The following TMEM132D variants were observed in gnomAD, a reference collection of about 807,000 sequenced individuals.
The protein encoded by TMEM132D is transmembrane protein 132D.
In TMEM132D, 21 loss-of-function variants were observed where a neutral mutation model predicts 62.3. That is an observed-to-expected ratio of 0.34 (90% confidence interval 0.24 to 0.49). The LOEUF is 0.49. Ranked by LOEUF, TMEM132D falls within the 20% of genes least tolerant of loss-of-function variation. The pLI is 0.99. For missense variants in TMEM132D, 1,346 were observed against 1,402.8 expected (o/e 0.96, Z 0.65); for synonymous variants, 621 against 575.6 (o/e 1.08, Z -1.13).
At chr12:129,301,204 A>C (rs2135627379) in intron 4 of TMEM132D, among the ~76,000 whole-genome samples, 1 of 152,116 alleles carries the variant, frequency 6.6e-6, no homozygotes, top group East Asian at 1.9e-4. Context: ...CATTGAAAAA[A>C]CTTCCTGGTT....
At chr12:129,534,389 A>G (rs1288294104) in intron 2 of TMEM132D, among the ~76,000 whole-genome samples, 3 of 151,424 alleles carry the variant, frequency 2.0e-5, no homozygotes, top group Non-Finnish European at 2.9e-5. Context: ...TTAAAACATA[A>G]TAGAACTGCA....
chr12:129,884,812 C>T (rs1165339686), intron 1 of TMEM132D, among the ~76,000 whole-genome samples: 1 of 152,166 alleles, frequency 6.6e-6, no homozygotes, highest in Non-Finnish European at 1.5e-5. Flanking sequence ...GTGTTTACAC[C>T]AAACCCTGCA....
intron 1 of TMEM132D, among the ~76,000 whole-genome samples, chr12:129,737,767 C>T (rs1869474037): frequency 1.3e-5 from 2 of 152,180 alleles, no homozygotes; most frequent in Admixed American, 1.3e-4. Context: ...AAATAAAATA[C>T]AAAGAGCAGT....
intron 4 of TMEM132D, among the ~76,000 whole-genome samples, chr12:129,221,740 C>A (rs1180892392): frequency 1.3e-5 from 2 of 152,142 alleles, no homozygotes; most frequent in African/African-American, 2.4e-5. Context: ...AGAATAACAA[C>A]CAATCACCCT....
At chr12:129,554,072 C>T (rs867916415) in intron 2 of TMEM132D, among the ~76,000 whole-genome samples, 1 of 152,120 alleles carries the variant, frequency 6.6e-6, no homozygotes, top group African/African-American at 2.4e-5. Context: ...AGGTATATGT[C>T]GGAATTCCTG....
intron 1 of TMEM132D, among the ~76,000 whole-genome samples, chr12:129,901,913 G>GT (rs1414477202): frequency 4.0e-5 from 6 of 151,290 alleles, no homozygotes; most frequent in Non-Finnish European, 5.9e-5. Context: ...GTGGATTTTG[G>GT]TTTTTTTAAC....
rs888165210 is a variant in TMEM132D at position 129,073,023 on chromosome 12, C to G, written c.*852G>C. On this transcript the variant is annotated 3_prime_UTR_variant, in exon 9 of 9. Coordinates refer to ENST00000422113, the MANE Select transcript of TMEM132D (RefSeq NM_133448.3). ...ACTACAAACTGCCCTCTCCCTCCCC[C>G]ACCCACAGGTGACCAACGGCTTTGG... 6.6e-6 allele frequency: 1 copy of G among 152,218 alleles called. No homozygotes were observed. Among genetic ancestry groups the G allele is most frequent in the African/African-American group, 2.4e-5 (1 of 41,448 alleles). The allele number at this position is 152,218 out of a possible 1,614,324, so 9.4% of individuals were successfully genotyped here.
intron 4 of TMEM132D, among the ~76,000 whole-genome samples, chr12:129,267,453 A>C (rs1207035129): frequency 6.6e-6 from 1 of 152,198 alleles, no homozygotes; most frequent in African/African-American, 2.4e-5. Flanking sequence ...AAGAGAATAA[A>C]ATACCTAGGA....
At chr12:129,104,638 ACT>A (rs1304436770) in intron 5 of TMEM132D, among the ~76,000 whole-genome samples, 1 of 151,736 alleles carries the variant, frequency 6.6e-6, no homozygotes, top group Non-Finnish European at 1.5e-5. Flanking sequence ...TTCACAACCT[ACT>A]CATCTGACAA....
chr12:129,197,394 CAG>C (rs2135559340), intron 5 of TMEM132D, among the ~76,000 whole-genome samples: 1 of 152,204 alleles, frequency 6.6e-6, no homozygotes, highest in Non-Finnish European at 1.5e-5. Context: ...GATGATGCAT[CAG>C]AACTCTCTGT....
chr12:129,622,642 G>A (rs1418221454), intron 2 of TMEM132D, among the ~76,000 whole-genome samples: 1 of 152,140 alleles, frequency 6.6e-6, no homozygotes, highest in Admixed American at 6.5e-5. Context: ...TATACAAGCC[G>A]GAGCTCTTTT....
At chr12:129,364,774 G>T (rs556122988) in intron 3 of TMEM132D, among the ~76,000 whole-genome samples, 2 of 152,146 alleles carry the variant, frequency 1.3e-5, no homozygotes, top group Non-Finnish European at 2.9e-5. Flanking sequence ...GACCACAATC[G>T]GAAAGGTCTC....
chr12:129,724,553 G>A (rs563210213), intron 1 of TMEM132D, among the ~76,000 whole-genome samples: 2 of 152,164 alleles, frequency 1.3e-5, no homozygotes, highest in South Asian at 2.1e-4. Flanking sequence ...ATGGAGTCTC[G>A]CTCTTGTCGC....
At chr12:129,796,745 G>T (rs1423339305) in intron 1 of TMEM132D, among the ~76,000 whole-genome samples, 7 of 152,172 alleles carry the variant, frequency 4.6e-5, no homozygotes, top group African/African-American at 1.7e-4. Context: ...GGGGAGTAAG[G>T]GGAGGGGTAG....
intron 4 of TMEM132D, among the ~76,000 whole-genome samples, chr12:129,293,256 A>T (rs1374640782): frequency 6.6e-6 from 1 of 152,154 alleles, no homozygotes; most frequent in Non-Finnish European, 1.5e-5. Flanking sequence ...GGGGTGAAAG[A>T]GGTCATCCTG....
intron 5 of TMEM132D, chr12:129,111,632 C>T (rs905509329): frequency 6.6e-6 from 1 of 152,174 alleles, no homozygotes; most frequent in African/African-American, 2.4e-5. Context: ...ATCCACCCAT[C>T]ATTTCTGAAT....
At chr12:129,384,330 C>G (rs1871043182) in intron 3 of TMEM132D, among the ~76,000 whole-genome samples, 1 of 152,132 alleles carries the variant, frequency 6.6e-6, no homozygotes, top group Admixed American at 6.5e-5. Context: ...TGGATGGGCT[C>G]CACCACGCTG....
chr12:129,474,320 A>G (rs1326473994), intron 3 of TMEM132D, among the ~76,000 whole-genome samples: 1 of 152,222 alleles, frequency 6.6e-6, no homozygotes, highest in Non-Finnish European at 1.5e-5. Context: ...GGCCATGTAC[A>G]ATGGCACCCT....
intron 1 of TMEM132D, among the ~76,000 whole-genome samples, chr12:129,784,611 CTTTGT>C (rs1354326880): frequency 3.3e-5 from 5 of 152,158 alleles, no homozygotes; most frequent in African/African-American, 7.2e-5. Flanking sequence ...TTTCTCTCAT[CTTTGT>C]TTTGTCTCTC....
Sources: gnomAD v4.1 joint callset for allele counts (sites outside exome capture counted in the v4.1 genomes callset) on GRCh38, gnomAD v4.1.1 for gene constraint, MANE v1.5 for transcripts, NCBI Gene and HGNC (gene_info 2026-07-23, HGNC 2026-07-21) for gene names.